AK7: variants seen among roughly 807,000 people sequenced by gnomAD.
AK7 encodes the protein ATP-AMP transphosphorylase 7.
Under a neutral mutation model 96.6 loss-of-function variants are expected in AK7, and 78 were observed. The observed-to-expected ratio is 0.81, with a 90% CI of 0.67 to 0.97. The LOEUF is 0.97. Among genes scored for constraint, AK7 ranks in the 50% least tolerant of loss-of-function variants. AK7 has a pLI of 0.00. For synonymous variants in AK7, 302 were observed against 317.2 expected (o/e 0.95, Z 0.51); for missense variants, 855 against 887.9 (o/e 0.96, Z 0.47).
chr14:96,485,972 A>G (rs1254229202), intron 16 of AK7, among the ~76,000 whole-genome samples: 1 of 151,460 alleles, frequency 6.6e-6, no homozygotes, highest in African/African-American at 2.4e-5. Context: ...ATTTTTTTGT[A>G]TTTTTAGTAG....
chr14:96,402,190 C>A (rs1017723911), intron 2 of AK7, among the ~76,000 whole-genome samples: 6 of 104,668 alleles, frequency 5.7e-5, no homozygotes, highest in Non-Finnish European at 8.2e-5. Flanking sequence ...CAGATGCACA[C>A]ACACACACAC....
chr14:96,397,931 T>G, intron 1 of AK7, 144 bp from the exon 2 acceptor site: 1 of 750,926 alleles, frequency 1.3e-6, no homozygotes, highest in Non-Finnish European at 2.2e-6. Context: ...TCAACTTAAA[T>G]GAGATGACAG....
In AK7 at chr14:96,478,495, A is replaced by C; in HGVS notation, c.1586A>C (p.Glu529Ala). 1 of 1,614,064 alleles carries C rather than the reference A, an allele frequency of 6.2e-7. No individual in the cohort carries two copies. Among genetic ancestry groups the C allele is most frequent in the South Asian group, 1.1e-5 (1 of 91,072 alleles). The change falls in exon 15 of 18, where the codon GAG becomes GCG. Residue 529 changes from glutamate to alanine, a missense_variant. Glu to Ala is a moderately radical substitution (Grantham distance 107, BLOSUM62 -1). Coordinates refer to ENST00000267584, the MANE Select transcript of AK7 (RefSeq NM_152327.5). ...EFVCALDASD[E>A]FLKERVINLP... ...GTTTGTGCACTGGATGCTTCGGATG[A>C]GTTTCTGAAGGAGCGTGTGATAAAC...
At chr14:96,450,916 G>C (rs529868286) in intron 9 of AK7, among the ~76,000 whole-genome samples, 2 of 151,468 alleles carry the variant, frequency 1.3e-5, no homozygotes, top group East Asian at 1.9e-4. Context: ...CTGGGACTAC[G>C]GGCGCCTGCC....
chr14:96,465,738 G>A (rs55634848), intron 12 of AK7, among the ~76,000 whole-genome samples: 50,214 of 151,802 alleles, frequency 0.33, 8,645 homozygotes, highest in South Asian at 0.4. Flanking sequence ...GAGGCCAGGC[G>A]CAGTGGCTCA....
At chr14:96,441,816 C>A (rs1372855293) in intron 6 of AK7, among the ~76,000 whole-genome samples, 1 of 151,968 alleles carries the variant, frequency 6.6e-6, no homozygotes, top group Non-Finnish European at 1.5e-5. Context: ...AGTCAGCCTC[C>A]TCAATGTCTC....
intron 6 of AK7, among the ~76,000 whole-genome samples, chr14:96,441,998 A>T (rs1892985186): frequency 6.6e-6 from 1 of 152,158 alleles, no homozygotes; most frequent in African/African-American, 2.4e-5. Context: ...AGAACCCTTC[A>T]ATACTTTCTG....
intron 5 of AK7, among the ~76,000 whole-genome samples, chr14:96,435,959 G>A (rs1308839154): frequency 2.0e-5 from 3 of 152,120 alleles, no homozygotes; most frequent in Admixed American, 6.5e-5. Context: ...CTCTTTCAGC[G>A]ATATGAAGTT....
At chr14:96,396,727 T>G (rs1164530132) in intron 1 of AK7, among the ~76,000 whole-genome samples, 1 of 152,228 alleles carries the variant, frequency 6.6e-6, no homozygotes, top group Non-Finnish European at 1.5e-5. Context: ...AGTATTGACA[T>G]ATAAACGAAT....
At chr14:96,478,169 G>A (rs992279521) in intron 14 of AK7, among the ~76,000 whole-genome samples, 1 of 149,536 alleles carries the variant, frequency 6.7e-6, no homozygotes, top group Non-Finnish European at 1.5e-5. Context: ...AAGGAAGGAA[G>A]GAAGGACAGA....
intron 11 of AK7, among the ~76,000 whole-genome samples, chr14:96,457,255 T>G (rs2140125385): frequency 6.6e-6 from 1 of 152,052 alleles, no homozygotes; most frequent in African/African-American, 2.4e-5. Flanking sequence ...GAGACGGGGT[T>G]TCACCATGTT....
Position 96,471,518 on chromosome 14 carries a change from A to G in AK7, c.1398A>G (p.Glu466=). The G allele has an allele frequency of 6.5e-7, 1 of 1,548,094 alleles. No individual in the cohort carries two copies. The highest frequency in any genetic ancestry group is 1.2e-5 in the South Asian group (1 of 85,342). The change falls in exon 13 of 18, where the codon GAA becomes GAG. Residue 466 remains glutamate, a synonymous_variant. Coordinates refer to ENST00000267584, the MANE Select transcript of AK7 (RefSeq NM_152327.5). ...AATATATAATTAGATTTATGAAAGAAAAGCTAAAATCAATGCCTTGCAGGA... is the reference window on the plus strand; with the variant it reads ...AATATATAATTAGATTTATGAAAGAGAAGCTAAAATCAATGCCTTGCAGGA... ...DDQYIIRFMK[E]KLKSMPCRNQ...
rs1199611064 is a variant in AK7, at chr14:96,454,962, C to T, written c.1099-1385C>T. Among the ~76,000 whole-genome samples, 4 of 151,176 alleles carry T rather than the reference C, an allele frequency of 2.6e-5. No homozygotes were observed. In the South Asian group the frequency reaches 6.3e-4, roughly 24 times the overall value. On this transcript the variant is annotated intron_variant, in intron 10 of 17. Transcript: ENST00000267584. ...GGTGGATCACCTGAGGTCAGGAGTTCGAGACCAGCCTGGCTAACATGGTGA... is the reference window on the plus strand; with the variant it reads ...GGTGGATCACCTGAGGTCAGGAGTTTGAGACCAGCCTGGCTAACATGGTGA...
chr14:96,392,322 G>A, intron 1 of AK7, 63 bp downstream of exon 1: 1 of 1,472,580 alleles, frequency 6.8e-7, no homozygotes, highest in Non-Finnish European at 9.4e-7. Flanking sequence ...TCGGCCCCCG[G>A]TCCGCAAACC....
intron 1 of AK7, among the ~76,000 whole-genome samples, chr14:96,392,980 T>G (rs915920032): frequency 1.3e-5 from 2 of 152,170 alleles, no homozygotes; most frequent in Non-Finnish European, 2.9e-5. Context: ...AAATCAAATT[T>G]TTATATTGCC....
rs755136009 is a variant in AK7 at position 96,486,951 on chromosome 14, G to A, written c.2028G>A (p.Gln676=). The A allele has an allele frequency of 4.3e-6, 7 of 1,613,926 alleles. No homozygotes were observed. The African/African-American group carries it at 6.7e-5, about 15-fold the overall frequency. ...KREERELLEA[Q]SIPLRNYLMT... is the part of the protein sequence containing the mutation. ...AAGAAAGAGAATTACTGGAGGCTCA[G>A]TCAATTCCCCTGAGAAACTATTTAA... Residue 676 remains glutamine, a synonymous_variant, in exon 17 of 18, where the codon CAG becomes CAA. Coordinates refer to ENST00000267584, the MANE Select transcript of AK7 (RefSeq NM_152327.5).
At chr14:96,416,524 A>G (rs560361066) in intron 4 of AK7, among the ~76,000 whole-genome samples, 2 of 152,298 alleles carry the variant, frequency 1.3e-5, no homozygotes, top group Admixed American at 6.5e-5. Context: ...CCTCTAAATG[A>G]GCTTAGTAAT....
chr14:96,478,531 G>C lies in AK7; in HGVS notation c.1622G>C (p.Ser541Thr), dbSNP rs752593096. The part of the protein sequence containing the change: ...LKERVINLPE[S>T]IVAGTHYSQD... The stretch of plus-strand genomic sequence containing the variant: ...GAGCGTGTGATAAACCTTCCTGAGA[G>C]CATCGTGGCGGGGACCCACTACAGC... The change falls in exon 15 of 18, where the codon AGC (serine) becomes ACC (threonine). Residue 541 changes from serine (S) to threonine (T), a missense_variant. Ser to Thr is a moderately conservative substitution (Grantham distance 58). Coordinates refer to ENST00000267584, the MANE Select transcript of AK7 (RefSeq NM_152327.5). 3.1e-6 allele frequency: 5 copies of C among 1,614,194 alleles called. No individual in the cohort carries two copies. The South Asian group carries it at 5.5e-5, about 18-fold the overall frequency.
intron 4 of AK7, among the ~76,000 whole-genome samples, chr14:96,417,672 C>T (rs1891422277): frequency 6.6e-6 from 1 of 152,188 alleles, no homozygotes; most frequent in East Asian, 1.9e-4. Flanking sequence ...CAGCCTCAGC[C>T]TTTAGCTTCT....
Sources: allele counts gnomAD v4.1 joint callset (sites outside exome capture counted in the v4.1 genomes callset), GRCh38; gene constraint gnomAD v4.1.1; transcripts MANE v1.5; gene names NCBI Gene and HGNC (gene_info 2026-07-23, HGNC 2026-07-21).